PREP: variants seen among roughly 807,000 people sequenced by gnomAD.
PREP encodes prolyl endopeptidase.
A neutral mutation model predicts 87.6 loss-of-function variants in PREP; 29 were observed. That is an observed-to-expected ratio of 0.33 (90% CI 0.25 to 0.45). PREP has a LOEUF of 0.45. PREP is among the 20% of genes least tolerant of loss of function. The pLI is 1.00. For synonymous variants in PREP, 337 were observed against 328.6 expected (o/e 1.03, Z -0.28); for missense variants, 695 against 886.5 (o/e 0.78, Z 2.74).
intron 10 of PREP, among the ~76,000 whole-genome samples, chr6:105,297,079 G>C (rs1770426094): frequency 1.3e-5 from 2 of 152,196 alleles, no homozygotes; most frequent in South Asian, 2.1e-4. Flanking sequence ...ACACACCTGT[G>C]TACATGCTCC....
intron 10 of PREP, chr6:105,322,639 G>A (rs1771042138): frequency 1.0e-6 from 1 of 989,150 alleles, no homozygotes; most frequent in Admixed American, 5.8e-5. Context: ...CACTCTAAGT[G>A]CCAAAGCAAC....
chr6:105,339,130 T>A (rs941621319), intron 7 of PREP, among the ~76,000 whole-genome samples: 2 of 152,194 alleles, frequency 1.3e-5, no homozygotes, highest in African/African-American at 4.8e-5. Flanking sequence ...GGGAGGCACC[T>A]CCCAGTAGGG....
At chr6:105,336,089 C>T (rs1771469031) in intron 7 of PREP, among the ~76,000 whole-genome samples, 1 of 152,070 alleles carries the variant, frequency 6.6e-6, no homozygotes, top group Admixed American at 6.5e-5. Context: ...GAAACCCTGT[C>T]TCTACTAAAA....
intron 10 of PREP, chr6:105,323,215 T>C (rs920534809): frequency 7.2e-6 from 7 of 975,024 alleles, no homozygotes; most frequent in Admixed American, 2.3e-5. Flanking sequence ...AAATGTTTTA[T>C]TGAGTGTCTA....
intron 7 of PREP, among the ~76,000 whole-genome samples, chr6:105,352,337 T>G (rs1320346917): frequency 6.6e-6 from 1 of 152,154 alleles, no homozygotes; most frequent in Non-Finnish European, 1.5e-5. Context: ...ACATTTAAAA[T>G]AAGCCATCTC....
chr6:105,285,247 A>G (rs192667556), intron 12 of PREP, among the ~76,000 whole-genome samples: 22 of 152,244 alleles, frequency 1.4e-4, no homozygotes, highest in Non-Finnish European at 2.8e-4. Flanking sequence ...ATAACAAGGA[A>G]TGCTTCTGAA....
In PREP at chr6:105,278,732, T is replaced by C. The variant is rs1157777554; in HGVS notation, c.1839-294A>G. 1.3e-5 allele frequency among the ~76,000 whole-genome samples: 2 copies of C among 152,170 alleles called. No homozygotes were observed. Among genetic ancestry groups the C allele is most frequent in the Admixed American group, 6.5e-5 (1 of 15,284 alleles). The stretch of plus-strand genomic sequence containing the variant: ...TTACTGTCTCTTAAGGTGAGTAGTT[T>C]CATATTCTCTAGGCTTTTTTTTTAC... On this transcript the variant is annotated intron_variant, in intron 14 of 14. Transcript: ENST00000652536. The surrounding 1 kb of genome is among the most constrained non-coding windows in gnomAD (Gnocchi z 4.2).
At chr6:105,370,962 T>C (rs985987649) in intron 5 of PREP, among the ~76,000 whole-genome samples, 6 of 152,226 alleles carry the variant, frequency 3.9e-5, no homozygotes, top group Non-Finnish European at 8.8e-5. Context: ...ACTATACATT[T>C]GTTCAGACCT....
intron 5 of PREP, among the ~76,000 whole-genome samples, chr6:105,370,912 G>T (rs1400083064): frequency 6.6e-6 from 1 of 152,162 alleles, no homozygotes; most frequent in African/African-American, 2.4e-5. Flanking sequence ...TAGGGCCAGG[G>T]AAACTACTCT....
chr6:105,293,766 G>A (rs749253948), intron 10 of PREP, among the ~76,000 whole-genome samples: 3 of 152,136 alleles, frequency 2.0e-5, no homozygotes, highest in Non-Finnish European at 2.9e-5. Context: ...TGGTAATTGA[G>A]ACTAAACCTA....
intron 2 of PREP, among the ~76,000 whole-genome samples, chr6:105,392,901 T>A (rs1773193882): frequency 6.6e-6 from 1 of 152,172 alleles, no homozygotes; most frequent in Admixed American, 6.5e-5. Flanking sequence ...TCAGACAGCA[T>A]ACTTCAGGTG....
rs199929615 is a variant in PREP, at chr6:105,277,161, C to CTTTTT, written c.*978_*982dup. ...AATCTTGGGGGTGGGCAAACCAAAACTTTTTTTTTTTTTTTTCCAGTAAGT... is the reference window on the plus strand; with the variant it reads ...AATCTTGGGGGTGGGCAAACCAAAACTTTTTTTTTTTTTTTTTTTTTCCAGTAAGT... On this transcript the variant is annotated 3_prime_UTR_variant, in exon 15 of 15. Coordinates refer to ENST00000652536, the MANE Select transcript of PREP (RefSeq NM_002726.5). 1.5e-5 allele frequency among the ~76,000 whole-genome samples: 2 copies of CTTTTT among 134,212 alleles called. No individual in the cohort carries two copies. Among genetic ancestry groups the CTTTTT allele is most frequent in the African/African-American group, 5.7e-5 (2 of 35,116 alleles). 88.0% of individuals were successfully genotyped at this position (134,212 alleles called of 152,430 possible).
At chr6:105,380,106 C>T (rs894465688) in intron 2 of PREP, among the ~76,000 whole-genome samples, 10 of 152,194 alleles carry the variant, frequency 6.6e-5, no homozygotes, top group African/African-American at 2.4e-4. Flanking sequence ...ACAAACCAGC[C>T]ATTCCTTGCA....
rs889203976 is a variant in PREP at position 105,276,592 on chromosome 6, C to T, written c.*1552G>A. ...TCAGTATCTGAGTAGATGGTGATGA[C>T]GACAGAGTCTCAGCATGCAACACTA... On this transcript the variant is annotated 3_prime_UTR_variant, in exon 15 of 15. Transcript: ENST00000652536. Among the ~76,000 whole-genome samples the T allele has an allele frequency of 3.9e-5, 6 of 152,206 alleles. No homozygotes were observed. The highest frequency in any genetic ancestry group is 2.1e-4 in the South Asian group (1 of 4,834).
intron 7 of PREP, among the ~76,000 whole-genome samples, chr6:105,334,559 A>C (rs559742520): frequency 4.3e-4 from 66 of 152,280 alleles, no homozygotes; most frequent in African/African-American, 1.4e-3. Flanking sequence ...TCTCTATTAA[A>C]AATACAAAAA....
chr6:105,315,498 G>C (rs1406575691), intron 10 of PREP, among the ~76,000 whole-genome samples: 1 of 152,074 alleles, frequency 6.6e-6, no homozygotes, highest in Non-Finnish European at 1.5e-5. Flanking sequence ...AAGGGCCCTA[G>C]GATTTTAAGA....
At chr6:105,287,734 GA>G (rs1413511582) in intron 11 of PREP, among the ~76,000 whole-genome samples, 1 of 152,204 alleles carries the variant, frequency 6.6e-6, no homozygotes, top group Non-Finnish European at 1.5e-5. Context: ...CTGTGAATCA[GA>G]TTTCATATGG....
chr6:105,352,140 TA>T (rs891842673), intron 7 of PREP, among the ~76,000 whole-genome samples: 9 of 152,224 alleles, frequency 5.9e-5, no homozygotes, highest in African/African-American at 2.2e-4. Context: ...CAACCCTCTC[TA>T]AAATATTATT....
At chr6:105,369,419 A>G (rs146038543) in intron 5 of PREP, among the ~76,000 whole-genome samples, 3 of 152,358 alleles carry the variant, frequency 2.0e-5, no homozygotes, top group South Asian at 2.1e-4. Flanking sequence ...TGAAATCCCA[A>G]ACAAAATCCC....
Sources: gnomAD v4.1 joint callset for allele counts (sites outside exome capture counted in the v4.1 genomes callset) on GRCh38, gnomAD v4.1.1 for gene constraint, Gnocchi (gnomAD v3.1) non-coding constraint, MANE v1.5 for transcripts, NCBI Gene and HGNC (gene_info 2026-07-23, HGNC 2026-07-21) for gene names.